TTC39C: variants seen among roughly 807,000 people sequenced by gnomAD.
TTC39C encodes the protein tetratricopeptide repeat domain 39C, also known as tetratricopeptide repeat protein 39C.
A neutral mutation model predicts 76.3 loss-of-function variants in TTC39C; 33 were observed. The ratio of observed to expected loss-of-function variants is 0.43; its 90% CI spans 0.33 to 0.58. The LOEUF is 0.58. TTC39C is among the 20% of genes least tolerant of loss of function. The pLI is 0.04. For synonymous variants in TTC39C, 254 were observed against 260.6 expected (o/e 0.97, Z 0.24); for missense variants, 595 against 701.4 (o/e 0.85, Z 1.71).
At chr18:24,019,354 C>T (rs1231107890) in intron 1 of TTC39C, among the ~76,000 whole-genome samples, 1 of 152,212 alleles carries the variant, frequency 6.6e-6, no homozygotes, top group Non-Finnish European at 1.5e-5. Context: ...CCTACTTACT[C>T]ATGGTCAACT....
At chr18:24,036,179 G>A (rs2083729827) in intron 1 of TTC39C, among the ~76,000 whole-genome samples, 1 of 152,134 alleles carries the variant, frequency 6.6e-6, no homozygotes, top group Non-Finnish European at 1.5e-5. Flanking sequence ...CTTCCAATTT[G>A]TTCTTTTTCA....
intron 9 of TTC39C, among the ~76,000 whole-genome samples, chr18:24,125,048 AT>A (rs1466136743): frequency 6.6e-6 from 1 of 152,152 alleles, no homozygotes; most frequent in Non-Finnish European, 1.5e-5. Context: ...ATGTGCCACC[AT>A]ACCCGGCTAA....
intron 1 of TTC39C, chr18:24,016,779 T>C: frequency 2.5e-6 from 1 of 398,574 alleles, no homozygotes; most frequent in Admixed American, 4.4e-5. Flanking sequence ...ATTTACCTTG[T>C]ATAGCTAGGT....
intron 1 of TTC39C, among the ~76,000 whole-genome samples, chr18:24,016,209 T>C (rs541896083): frequency 2.6e-5 from 4 of 152,210 alleles, no homozygotes; most frequent in South Asian, 2.1e-4. Flanking sequence ...GGTGATTTTT[T>C]CCCCCCTTTG....
chr18:24,108,373 G>A (rs2084772863), intron 6 of TTC39C, among the ~76,000 whole-genome samples: 1 of 152,124 alleles, frequency 6.6e-6, no homozygotes, highest in Admixed American at 6.5e-5. Flanking sequence ...CATCCCTTTG[G>A]CAATATAGTC....
chr18:24,009,709 C>G (rs777097239), intron 1 of TTC39C, among the ~76,000 whole-genome samples: 1 of 152,204 alleles, frequency 6.6e-6, no homozygotes, highest in Non-Finnish European at 1.5e-5. Context: ...GGGAGGAAAG[C>G]GGTGGAGGAG....
chr18:24,054,033 A>G (rs2083985063), intron 1 of TTC39C, among the ~76,000 whole-genome samples: 1 of 152,160 alleles, frequency 6.6e-6, no homozygotes, highest in Non-Finnish European at 1.5e-5. Context: ...TAAAAATCTT[A>G]TTTATACTGC....
chr18:24,121,406 T>G (rs543306726), intron 8 of TTC39C, among the ~76,000 whole-genome samples: 2 of 152,002 alleles, frequency 1.3e-5, no homozygotes, highest in South Asian at 2.1e-4. Flanking sequence ...ATGGAGAAAC[T>G]CCATCTCTAC....
At chr18:24,087,434 C>T (rs982787866) in intron 6 of TTC39C, among the ~76,000 whole-genome samples, 5 of 152,084 alleles carry the variant, frequency 3.3e-5, no homozygotes, top group Non-Finnish European at 5.9e-5. Flanking sequence ...CACACACATA[C>T]CTTATATGGT....
At position 24,090,956 on chromosome 18, in the gene TTC39C, G is replaced by A. The variant is rs377280081; in HGVS notation, c.984+7875G>A. ...CAAGTAGCTGAGACTACAGGTGTGC[G>A]CCACCATGCCTGGCTAATTTTTGTA... On this transcript the variant is annotated intron_variant, in intron 6 of 13. Transcript: ENST00000317571. 5.9e-5 allele frequency among the ~76,000 whole-genome samples: 9 copies of A among 152,032 alleles called. No individual in the cohort carries two copies. The East Asian group carries it at 9.7e-4, about 16-fold the overall frequency.
chr18:24,111,414 T>G (rs1356458235), intron 6 of TTC39C, among the ~76,000 whole-genome samples: 1 of 151,522 alleles, frequency 6.6e-6, no homozygotes, highest in Non-Finnish European at 1.5e-5. Context: ...ACTAAAAATA[T>G]AAAAATTAGC....
intron 1 of TTC39C, among the ~76,000 whole-genome samples, chr18:23,996,790 A>G (rs1472417481): frequency 6.6e-6 from 1 of 152,228 alleles, no homozygotes. Flanking sequence ...TCTCCACTTC[A>G]GGGCATAGGT....
At chr18:24,055,441 T>C (rs139634294) in intron 1 of TTC39C, among the ~76,000 whole-genome samples, 1 of 152,272 alleles carries the variant, frequency 6.6e-6, no homozygotes, top group African/African-American at 2.4e-5. Flanking sequence ...GGGTGTGAGG[T>C]GGTGTCTCAT....
At chr18:24,023,968 A>ATCTATATCTATATCTATATCTATATC (rs2083554446) in intron 1 of TTC39C, among the ~76,000 whole-genome samples, 1 of 31,250 alleles carries the variant, frequency 3.2e-5, no homozygotes, top group Non-Finnish European at 5.6e-5. Context: ...ATATATATAT[A>ATCTATATCTATATCTATATCTATATC]TATATATATA....
At chr18:24,023,885 C>T (rs1301049866) in intron 1 of TTC39C, among the ~76,000 whole-genome samples, 1 of 143,268 alleles carries the variant, frequency 7.0e-6, no homozygotes, top group East Asian at 2.0e-4. Flanking sequence ...AAATAACCTA[C>T]TCATGCATAC....
At chr18:24,106,537 C>T (rs1041756687) in intron 6 of TTC39C, among the ~76,000 whole-genome samples, 11 of 152,066 alleles carry the variant, frequency 7.2e-5, no homozygotes, top group African/African-American at 2.2e-4. Context: ...TCCTCACTGA[C>T]GTGGTTAGGA....
chr18:24,077,104 G>C (rs2084316407), intron 4 of TTC39C: 1 of 152,174 alleles, frequency 6.6e-6, no homozygotes, highest in Non-Finnish European at 1.5e-5. Flanking sequence ...CCTCTGTTGG[G>C]CTTGCACCCT....
chr18:24,027,973 A>T (rs1431503045), intron 1 of TTC39C, among the ~76,000 whole-genome samples: 2 of 152,192 alleles, frequency 1.3e-5, no homozygotes, highest in South Asian at 4.1e-4. Context: ...AGGTTTGCAC[A>T]GAAAAGAGTT....
chr18:24,038,368 G>A (rs984998740), intron 1 of TTC39C, among the ~76,000 whole-genome samples: 7 of 152,020 alleles, frequency 4.6e-5, no homozygotes, highest in African/African-American at 1.7e-4. Context: ...CTGCAGCCTC[G>A]ACCTCCCAGG....
Sources: gnomAD v4.1 joint callset for allele counts (sites outside exome capture counted in the v4.1 genomes callset) on GRCh38, gnomAD v4.1.1 for gene constraint, MANE v1.5 for transcripts, NCBI Gene and HGNC (gene_info 2026-07-23, HGNC 2026-07-21) for gene names.